SIMC1: variants seen among roughly 807,000 people sequenced by gnomAD.
SIMC1 encodes the protein SUMO-interacting motif-containing protein 1.
A neutral mutation model predicts 82.3 loss-of-function variants in SIMC1; 55 were observed. The ratio of observed to expected loss-of-function variants is 0.67; its 90% CI spans 0.54 to 0.84. The LOEUF is 0.84. Ranked by LOEUF, SIMC1 falls within the 40% of genes least tolerant of loss-of-function variation. The pLI is 0.00. For synonymous variants in SIMC1, 353 were observed against 426.3 expected (o/e 0.83, Z 2.12); for missense variants, 915 against 1,107.2 (o/e 0.83, Z 2.46).
chr5:176,342,911 C>T (rs1766213245), intron 9 of SIMC1, among the ~76,000 whole-genome samples: 1 of 152,182 alleles, frequency 6.6e-6, no homozygotes, highest in Non-Finnish European at 1.5e-5. Flanking sequence ...GGGCCCAAGG[C>T]TCTAAATTCC....
intron 1 of SIMC1, among the ~76,000 whole-genome samples, chr5:176,274,176 G>T (rs1420772305): frequency 1.4e-5 from 2 of 144,162 alleles, no homozygotes; most frequent in Non-Finnish European, 3.1e-5. Flanking sequence ...GTTGTTTCCT[G>T]ACTTTTTAAT....
chr5:176,302,241 T>G (rs1007596449), intron 4 of SIMC1, among the ~76,000 whole-genome samples: 1 of 152,104 alleles, frequency 6.6e-6, no homozygotes, highest in Non-Finnish European at 1.5e-5. Context: ...CATGAACATG[T>G]GGGATTTATT....
chr5:176,290,175 G>A lies in SIMC1; in HGVS notation c.651G>A (p.Gln217=), dbSNP rs1763483083. 1.9e-6 allele frequency: 3 copies of A among 1,611,988 alleles called. No homozygotes were observed. Among genetic ancestry groups the A allele is most frequent in the East Asian group, 4.5e-5 (2 of 44,826 alleles). ...AGCAAGATGTATCTCGCCCACCACA[G>A]GCCTTGCCGTGCCCCCTGCGACCTT... is the stretch of plus-strand genomic sequence containing the variant. ...CPQQDVSRPP[Q]ALPCPLRPLP... Residue 217 remains glutamine (Q), a synonymous_variant, in exon 2 of 10, where the codon CAG becomes CAA. Coordinates refer to ENST00000429602, the MANE Select transcript of SIMC1 (RefSeq NM_001308195.2).
At chr5:176,270,220 C>T (rs1437183601) in intron 1 of SIMC1, 1 of 151,936 alleles carries the variant, frequency 6.6e-6, no homozygotes, top group African/African-American at 2.4e-5. Flanking sequence ...AACAAAAAAT[C>T]ATCATCATCT....
intron 7 of SIMC1, among the ~76,000 whole-genome samples, chr5:176,330,136 C>T (rs1293897235): frequency 1.3e-5 from 2 of 152,068 alleles, no homozygotes; most frequent in Admixed American, 6.6e-5. Context: ...TGTGGTGGCT[C>T]ACGCCTGTAA....
At chr5:176,345,118 T>C (rs1766381685) in intron 9 of SIMC1, 65 bp from the exon 10 acceptor site, 20 of 1,546,054 alleles carry the variant, frequency 1.3e-5, no homozygotes, top group Non-Finnish European at 1.7e-5. Context: ...CTACCAAAAT[T>C]AGACTTCTTA....
intron 5 of SIMC1, among the ~76,000 whole-genome samples, chr5:176,315,843 A>C (rs1581303320): frequency 6.6e-6 from 1 of 152,188 alleles, no homozygotes; most frequent in Non-Finnish European, 1.5e-5. Context: ...GTAAGTAGAG[A>C]ATCAACAGAG....
intron 6 of SIMC1, among the ~76,000 whole-genome samples, chr5:176,323,846 G>A (rs1442065362): frequency 1.3e-5 from 2 of 152,030 alleles, no homozygotes; most frequent in East Asian, 3.9e-4. Context: ...AAAATAGCCG[G>A]GCATGGTGGC....
At chr5:176,305,520 G>A (rs1253010724) in intron 4 of SIMC1, among the ~76,000 whole-genome samples, 140 of 132,506 alleles carry the variant, frequency 1.1e-3, no homozygotes, top group Admixed American at 4.9e-3. Context: ...CACCCCGTCT[G>A]GGAGGGAGGT....
At chr5:176,318,525 TGA>T (rs1388653397) in intron 5 of SIMC1, among the ~76,000 whole-genome samples, 1 of 152,210 alleles carries the variant, frequency 6.6e-6, no homozygotes, top group Non-Finnish European at 1.5e-5. Context: ...ATCATAAATT[TGA>T]GAGTCCTCTT....
chr5:176,299,630 AT>A (rs1445409125), intron 4 of SIMC1, among the ~76,000 whole-genome samples: 3 of 152,230 alleles, frequency 2.0e-5, no homozygotes, highest in African/African-American at 7.2e-5. Flanking sequence ...TCCTAAATAT[AT>A]AAAGCAAACA....
At position 176,341,626 on chromosome 5, in the gene SIMC1, C is replaced by A. The variant is rs10074203; in HGVS notation, c.2414-3557C>A. Among the ~76,000 whole-genome samples the A allele has an allele frequency of 4.4e-3, 676 of 152,280 alleles. 7 individuals carry two copies. The highest frequency in any genetic ancestry group is 0.015 in the African/African-American group (634 of 41,548). ...AGAAGCACTTTGAAGATAACTTTGA[C>A]AGGGCTCTTAAGTGACTGAGTCTGA... On this transcript the variant is annotated intron_variant, in intron 9 of 9. Transcript: ENST00000429602.
intron 7 of SIMC1, among the ~76,000 whole-genome samples, chr5:176,325,212 C>A (rs780015470): frequency 4.6e-5 from 7 of 151,840 alleles, no homozygotes; most frequent in Non-Finnish European, 8.8e-5. Flanking sequence ...CATGGTGAAA[C>A]CCTGTCTCTA....
intron 4 of SIMC1, among the ~76,000 whole-genome samples, chr5:176,301,666 C>G (rs1423416205): frequency 1.3e-5 from 2 of 151,882 alleles, no homozygotes; most frequent in Non-Finnish European, 2.9e-5. Flanking sequence ...GAAATCTCAA[C>G]TACTGAGGAG....
chr5:176,323,443 T>G (rs1052418166), intron 6 of SIMC1, among the ~76,000 whole-genome samples: 4 of 152,226 alleles, frequency 2.6e-5, no homozygotes, highest in Non-Finnish European at 5.9e-5. Flanking sequence ...AATAGTAGGT[T>G]GCTACCACTT....
intron 1 of SIMC1, among the ~76,000 whole-genome samples, chr5:176,241,607 C>A (rs563710639): frequency 6.6e-6 from 1 of 151,894 alleles, no homozygotes; most frequent in African/African-American, 2.4e-5. Context: ...TGCTAACCCC[C>A]CCGTGCAGTT....
chr5:176,268,373 C>CA (rs554849705), intron 1 of SIMC1, among the ~76,000 whole-genome samples: 5,197 of 95,556 alleles, frequency 0.054, 195 homozygotes, highest in African/African-American at 0.11. Context: ...CAGACTGGAC[C>CA]AAAAAAAAAA....
At chr5:176,319,075 C>T (rs1253951248) in intron 5 of SIMC1, among the ~76,000 whole-genome samples, 1 of 152,190 alleles carries the variant, frequency 6.6e-6, no homozygotes, top group African/African-American at 2.4e-5. Flanking sequence ...TGCCACTGCA[C>T]TCCAGCCTGG....
chr5:176,341,179 G>A (rs1429683888), intron 9 of SIMC1, among the ~76,000 whole-genome samples: 1 of 152,142 alleles, frequency 6.6e-6, no homozygotes, highest in Non-Finnish European at 1.5e-5. Flanking sequence ...TGAAGTAATG[G>A]TGTTAGCCAG....
Sources: gnomAD v4.1 joint callset for allele counts (sites outside exome capture counted in the v4.1 genomes callset) on GRCh38, gnomAD v4.1.1 for gene constraint, MANE v1.5 for transcripts, NCBI Gene and HGNC (gene_info 2026-07-23, HGNC 2026-07-21) for gene names.